PRRX1: variants seen among roughly 807,000 people sequenced by gnomAD.
PRRX1 encodes the protein paired related homeobox 1, also known as paired mesoderm homeobox protein 1.
In PRRX1, 8 loss-of-function variants were observed where a neutral mutation model predicts 24.0. That is an observed-to-expected ratio of 0.33 (90% CI 0.20 to 0.60). PRRX1 has a LOEUF of 0.60. Ranked by LOEUF, PRRX1 falls within the 20% of genes least tolerant of loss-of-function variation. The pLI, the probability that PRRX1 is intolerant of heterozygous loss-of-function variation, is 0.82. For missense variants in PRRX1, 281 were observed against 322.4 expected, an observed-to-expected ratio of 0.87 and a Z score of 0.98; for synonymous variants, 160 against 131.7, an observed-to-expected ratio of 1.22 and a Z score of -1.47.
At chr1:170,715,218 G>A (rs970258124) in intron 1 of PRRX1, among the ~76,000 whole-genome samples, 2 of 152,084 alleles carry the variant, frequency 1.3e-5, no homozygotes, top group African/African-American at 2.4e-5. Flanking sequence ...TACTTGCTAT[G>A]TATTGTTAAA....
chr1:170,690,127 C>A (rs1021149970), intron 1 of PRRX1, among the ~76,000 whole-genome samples: 22 of 151,776 alleles, frequency 1.4e-4, no homozygotes, highest in African/African-American at 4.6e-4. Flanking sequence ...CTCCCCTCCC[C>A]CCCCATTTTT....
intron 1 of PRRX1, among the ~76,000 whole-genome samples, chr1:170,689,839 C>CTCTCTCTCTCTCTCTCTCTCT (rs1558049688): frequency 2.2e-5 from 2 of 91,602 alleles, no homozygotes; most frequent in African/African-American, 4.1e-5. Context: ...TCTCTCTCTC[C>CTCTCTCTCTCTCTCTCTCTCT]CTCTCTCTCT....
chr1:170,709,697 C>A (rs755587585), intron 1 of PRRX1, among the ~76,000 whole-genome samples: 13 of 152,182 alleles, frequency 8.5e-5, no homozygotes, highest in Non-Finnish European at 1.6e-4. Context: ...CTACTCAGAG[C>A]ATCTCATCGC....
intron 1 of PRRX1, among the ~76,000 whole-genome samples, chr1:170,690,981 A>G (rs1473588251): frequency 6.6e-6 from 1 of 152,158 alleles, no homozygotes; most frequent in Admixed American, 6.6e-5. Flanking sequence ...TCGTGGTTTT[A>G]TCTAGACAGA....
chr1:170,739,243 A>G lies in PRRX1; in HGVS notation c.*3057A>G, dbSNP rs1401410085. 5.1e-6 allele frequency: 1 copy of G among 196,572 alleles called. No individual in the cohort carries two copies. The highest frequency in any genetic ancestry group is 6.1e-5 in the Admixed American group (1 of 16,514). The allele number at this position is 196,572 out of a possible 1,614,324, so 12.2% of individuals were successfully genotyped here. A position where few individuals can be genotyped will look rare whatever the true frequency, so the allele number is the denominator to read the frequency against. ...TACTTGGCAGGTTAAATTAAACCAG[A>G]AGAGGTGACTTAATAAAAAAGGGAA... On this transcript the variant is annotated 3_prime_UTR_variant, in exon 4 of 4. Coordinates refer to ENST00000239461, the MANE Select transcript of PRRX1 (RefSeq NM_022716.4).
chr1:170,708,011 T>C (rs1654620599), intron 1 of PRRX1, among the ~76,000 whole-genome samples: 1 of 152,206 alleles, frequency 6.6e-6, no homozygotes, highest in East Asian at 1.9e-4. Context: ...ACCTTGATTA[T>C]CTTCCTTTTC....
chr1:170,716,122 A>G (rs192080464), intron 1 of PRRX1, among the ~76,000 whole-genome samples: 95 of 152,304 alleles, frequency 6.2e-4, no homozygotes, highest in Non-Finnish European at 1.1e-3. Context: ...TTAGATGCCA[A>G]TATTTTATGA....
At chr1:170,682,292 G>A (rs1653573167) in intron 1 of PRRX1, among the ~76,000 whole-genome samples, 1 of 149,802 alleles carries the variant, frequency 6.7e-6, no homozygotes, top group Non-Finnish European at 1.5e-5. Context: ...TTCCTTCTGT[G>A]TGCTCCCATG....
At chr1:170,669,832 A>AT (rs1653087501) in intron 1 of PRRX1, among the ~76,000 whole-genome samples, 1 of 152,030 alleles carries the variant, frequency 6.6e-6, no homozygotes, top group Non-Finnish European at 1.5e-5. Context: ...ATATGAATGT[A>AT]TTTTTCCCCC....
rs984674664 is a variant in PRRX1 at position 170,667,097 on chromosome 1, C to T, written c.241+2638C>T. Among the ~76,000 whole-genome samples the T allele has an allele frequency of 9.2e-5, 14 of 152,220 alleles. 2 individuals carry two copies. Among genetic ancestry groups the T allele is most frequent in the Admixed American group, 4.6e-4 (7 of 15,294 alleles). On this transcript the variant is annotated intron_variant, in intron 1 of 3. Coordinates refer to ENST00000239461, the MANE Select transcript of PRRX1 (RefSeq NM_022716.4). ...TCTAGAAACTCGCCCACGTGATACT[C>T]GGGCTCATCTCAGAGTTACAATGAC...
chr1:170,729,499 T>A (rs1655362533), intron 3 of PRRX1, among the ~76,000 whole-genome samples: 1 of 152,226 alleles, frequency 6.6e-6, no homozygotes, highest in Non-Finnish European at 1.5e-5. Flanking sequence ...GCCAACATAC[T>A]TTTTTCTGGG....
At position 170,670,688 on chromosome 1, in the gene PRRX1, T is replaced by C. The variant is rs1003207168; in HGVS notation, c.241+6229T>C. ...TTCACTTGCCTTGGGACTACTTTTC[T>C]TGATAAAAATATATCTGGGAAGATG... On this transcript the variant is annotated intron_variant, in intron 1 of 3. Coordinates refer to ENST00000239461, the MANE Select transcript of PRRX1 (RefSeq NM_022716.4). 2.0e-5 allele frequency among the ~76,000 whole-genome samples: 3 copies of C among 152,198 alleles called. No homozygotes were observed. In the East Asian group the frequency reaches 5.8e-4, roughly 29 times the overall value.
chr1:170,682,351 C>CGCCACTGCACT (rs1183614768), intron 1 of PRRX1, among the ~76,000 whole-genome samples: 7 of 150,126 alleles, frequency 4.7e-5, no homozygotes, highest in Middle Eastern at 3.4e-3. Flanking sequence ...CTTAAGAATG[C>CGCCACTGCACT]CAGTAAGGTT....
At chr1:170,731,227 T>C (rs1558064142) in intron 3 of PRRX1, among the ~76,000 whole-genome samples, 1 of 152,236 alleles carries the variant, frequency 6.6e-6, no homozygotes, top group African/African-American at 2.4e-5. Flanking sequence ...CCTCCGTTGT[T>C]CTTGCACTGA....
chr1:170,734,616 T>C (rs1655546376), intron 3 of PRRX1, among the ~76,000 whole-genome samples: 1 of 152,060 alleles, frequency 6.6e-6, no homozygotes. Context: ...AGGATCCTTT[T>C]GAAACCTTTC....
At chr1:170,733,867 T>C (rs552322580) in intron 3 of PRRX1, among the ~76,000 whole-genome samples, 41 of 152,136 alleles carry the variant, frequency 2.7e-4, no homozygotes, top group South Asian at 6.2e-4. Flanking sequence ...AACTGTGAAC[T>C]AAATGATAAT....
intron 1 of PRRX1, among the ~76,000 whole-genome samples, chr1:170,684,939 T>C (rs927285325): frequency 3.3e-5 from 5 of 152,234 alleles, no homozygotes; most frequent in African/African-American, 1.2e-4. Flanking sequence ...CCTAGAGTTA[T>C]GCCATTGATT....
intron 1 of PRRX1, among the ~76,000 whole-genome samples, chr1:170,674,870 C>T (rs1294449854): frequency 6.6e-6 from 1 of 152,078 alleles, no homozygotes; most frequent in African/African-American, 2.4e-5. Context: ...AATTTTTCAC[C>T]AGTCTGAGCT....
chr1:170,724,773 T>C (rs2421491), intron 2 of PRRX1, among the ~76,000 whole-genome samples: 32,576 of 152,182 alleles, frequency 0.21, 4,392 homozygotes, highest in Middle Eastern at 0.35. Context: ...GGGCTCTTTT[T>C]CGTTCTATAT....
Sources: gnomAD v4.1 joint callset for allele counts (sites outside exome capture counted in the v4.1 genomes callset) on GRCh38, gnomAD v4.1.1 for gene constraint, MANE v1.5 for transcripts, NCBI Gene and HGNC (gene_info 2026-07-23, HGNC 2026-07-21) for gene names.